CRPPA: variants seen among roughly 807,000 people sequenced by gnomAD.
CRPPA encodes D-ribitol-5-phosphate cytidylyltransferase.
A neutral mutation model predicts 52.0 loss-of-function variants in CRPPA; 43 were observed. The ratio of observed to expected loss-of-function variants is 0.83; its 90% CI spans 0.65 to 1.07. The LOEUF is 1.07. CRPPA is among the 50% of genes least tolerant of loss of function. The pLI is 0.00. For missense variants in CRPPA, 629 were observed against 551.7 expected, an observed-to-expected ratio of 1.14 and a Z score of -1.40; for synonymous variants, 250 against 203.5, an observed-to-expected ratio of 1.23 and a Z score of -1.94.
At chr7:16,125,888 TACACAC>T (rs3083131) in intron 9 of CRPPA, among the ~76,000 whole-genome samples, 30,906 of 133,960 alleles carry the variant, frequency 0.23, 3,688 homozygotes, top group East Asian at 0.42. Flanking sequence ...GAAGCTTGCC[TACACAC>T]ACACACACAC....
At chr7:16,187,478 C>T (rs553019209) in intron 9 of CRPPA, among the ~76,000 whole-genome samples, 101 of 152,268 alleles carry the variant, frequency 6.6e-4, no homozygotes, top group African/African-American at 9.9e-4. Context: ...GGACATTTTT[C>T]GGAATCCTTT....
At chr7:16,400,036 G>C (rs1456751351) in intron 2 of CRPPA, among the ~76,000 whole-genome samples, 1 of 152,096 alleles carries the variant, frequency 6.6e-6, no homozygotes, top group African/African-American at 2.4e-5. Context: ...ATTAGTACGT[G>C]ACGAATACAC....
chr7:16,113,813 TTACAC>T (rs774250568), intron 9 of CRPPA, among the ~76,000 whole-genome samples: 6 of 151,948 alleles, frequency 3.9e-5, no homozygotes, highest in Non-Finnish European at 5.9e-5. Context: ...AAATCCCTTC[TTACAC>T]TAAAGTCTGT....
chr7:16,277,228 C>T (rs1181437037), intron 6 of CRPPA: 1 of 151,886 alleles, frequency 6.6e-6, no homozygotes, highest in South Asian at 2.1e-4. Context: ...ACTGTGCTAT[C>T]ATGATAAAAT....
At chr7:16,182,617 C>T (rs370837321) in intron 9 of CRPPA, among the ~76,000 whole-genome samples, 8 of 152,120 alleles carry the variant, frequency 5.3e-5, no homozygotes, top group Non-Finnish European at 1.0e-4. Context: ...CTACACAATC[C>T]TCTTATTATA....
At chr7:16,255,931 A>C (rs1783626742) in intron 8 of CRPPA, among the ~76,000 whole-genome samples, 1 of 152,252 alleles carries the variant, frequency 6.6e-6, no homozygotes, top group Non-Finnish European at 1.5e-5. Flanking sequence ...ACAAAAGCCA[A>C]AATTGACAAA....
At chr7:16,297,053 C>G (rs1784688779) in intron 5 of CRPPA, among the ~76,000 whole-genome samples, 1 of 152,142 alleles carries the variant, frequency 6.6e-6, no homozygotes, top group African/African-American at 2.4e-5. Context: ...CTTTAGCAGG[C>G]AGCAGGAGTA....
Position 16,089,218 on chromosome 7 carries a change from A to G in CRPPA, c.*2477T>C, listed in dbSNP as rs945127480. 5.4e-6 allele frequency: 2 copies of G among 371,840 alleles called. No homozygotes were observed. The highest frequency in any genetic ancestry group is 2.1e-5 in the African/African-American group (1 of 48,034). 23.0% of individuals were successfully genotyped at this position (371,840 alleles called of 1,614,324 possible). A position where few individuals can be genotyped will look rare whatever the true frequency, so the allele number is the denominator to read the frequency against. ...TGTGTATATACGTACGTATATACAT[A>G]TATGTGTGTATGCGTACGTATATAC... On this transcript the variant is annotated 3_prime_UTR_variant, in exon 10 of 10. Coordinates refer to ENST00000407010, the MANE Select transcript of CRPPA (RefSeq NM_001101426.4).
chr7:16,247,892 C>G (rs550626818), intron 8 of CRPPA: 31 of 152,084 alleles, frequency 2.0e-4, no homozygotes, highest in African/African-American at 7.5e-4. Context: ...TAGCTTGGTA[C>G]AGGAACAACA....
At chr7:16,275,306 C>T (rs981195905) in intron 6 of CRPPA, among the ~76,000 whole-genome samples, 1 of 152,140 alleles carries the variant, frequency 6.6e-6, no homozygotes, top group Non-Finnish European at 1.5e-5. Flanking sequence ...AAGGAAGCCA[C>T]ATGAACGTTC....
chr7:16,251,026 T>C (rs1274821029), intron 8 of CRPPA, among the ~76,000 whole-genome samples: 1 of 150,834 alleles, frequency 6.6e-6, no homozygotes, highest in Non-Finnish European at 1.5e-5. Flanking sequence ...AAAGGATAGA[T>C]GAAGATTTAC....
At chr7:16,253,795 C>G (rs1439972973) in intron 8 of CRPPA, among the ~76,000 whole-genome samples, 1 of 152,092 alleles carries the variant, frequency 6.6e-6, no homozygotes. Flanking sequence ...TCAGAGTGAA[C>G]AGGCAACCTA....
chr7:16,299,867 T>C (rs995038260), intron 5 of CRPPA, among the ~76,000 whole-genome samples: 1 of 152,162 alleles, frequency 6.6e-6, no homozygotes, highest in African/African-American at 2.4e-5. Context: ...TCTGATAATA[T>C]ATAGGCCAAG....
At chr7:16,358,019 G>T (rs1043284026) in intron 3 of CRPPA, among the ~76,000 whole-genome samples, 10 of 152,354 alleles carry the variant, frequency 6.6e-5, no homozygotes, top group East Asian at 5.8e-4. Flanking sequence ...CAAGCTGGAA[G>T]TATACTGCTG....
chr7:16,103,813 C>T (rs912531217), intron 9 of CRPPA, among the ~76,000 whole-genome samples: 1 of 152,076 alleles, frequency 6.6e-6, no homozygotes. Flanking sequence ...AAAGCTTATC[C>T]TAGAGTTACT....
intron 8 of CRPPA, among the ~76,000 whole-genome samples, chr7:16,256,945 C>A (rs1451428436): frequency 6.6e-6 from 1 of 151,918 alleles, no homozygotes; most frequent in Admixed American, 6.6e-5. Flanking sequence ...ATGGCTGAAG[C>A]TTAGGAATCA....
intron 9 of CRPPA, among the ~76,000 whole-genome samples, chr7:16,151,257 A>G (rs1233272009): frequency 6.6e-6 from 1 of 152,152 alleles, no homozygotes; most frequent in Non-Finnish European, 1.5e-5. Flanking sequence ...TATTTCAGTT[A>G]ATGACAAACA....
chr7:16,377,533 G>A (rs954288424), intron 2 of CRPPA, among the ~76,000 whole-genome samples: 3 of 152,302 alleles, frequency 2.0e-5, no homozygotes, highest in African/African-American at 7.2e-5. Flanking sequence ...TGCAGACTCC[G>A]TCCTCATTGA....
At chr7:16,379,846 C>T (rs1377471853) in intron 2 of CRPPA, among the ~76,000 whole-genome samples, 8 of 152,032 alleles carry the variant, frequency 5.3e-5, no homozygotes, top group Non-Finnish European at 7.4e-5. Flanking sequence ...TTTTATATCC[C>T]GAGACTTTGC....
Sources: allele counts gnomAD v4.1 joint callset (sites outside exome capture counted in the v4.1 genomes callset), GRCh38; gene constraint gnomAD v4.1.1; transcripts MANE v1.5; gene names NCBI Gene and HGNC (gene_info 2026-07-23, HGNC 2026-07-21).